FHIT: variants seen among roughly 807,000 people sequenced by gnomAD.
The protein encoded by FHIT is fragile histidine triad diadenosine triphosphatase, also known as bis(5'-adenosyl)-triphosphatase.
Under a neutral mutation model 17.9 loss-of-function variants are expected in FHIT, and 19 were observed. The observed-to-expected ratio is 1.06, with a 90% CI of 0.74 to 1.56. FHIT has a LOEUF of 1.56. FHIT is among the 40% of genes most tolerant of loss of function. The pLI is 0.00. For synonymous variants in FHIT, 81 were observed against 69.7 expected, an observed-to-expected ratio of 1.16 and a Z score of -0.81; for missense variants, 248 against 189.2, an observed-to-expected ratio of 1.31 and a Z score of -1.82.
chr3:61,099,064 G>C (rs2035736231), intron 2 of FHIT, among the ~76,000 whole-genome samples: 1 of 152,088 alleles, frequency 6.6e-6, no homozygotes, highest in Non-Finnish European at 1.5e-5. Flanking sequence ...TTTGCCATAG[G>C]TGGCTCTTAT....
intron 2 of FHIT, among the ~76,000 whole-genome samples, chr3:61,162,855 G>A (rs1230605257): frequency 1.3e-5 from 2 of 152,098 alleles, no homozygotes; most frequent in Non-Finnish European, 2.9e-5. Flanking sequence ...ATTCTTTTCA[G>A]TATTCCTGAT....
At chr3:60,540,571 GA>G (rs965220394) in intron 4 of FHIT, among the ~76,000 whole-genome samples, 3 of 152,174 alleles carry the variant, frequency 2.0e-5, no homozygotes, top group African/African-American at 7.2e-5. Flanking sequence ...GTGTTGGGGG[GA>G]AAGAAACCCC....
intron 5 of FHIT, among the ~76,000 whole-genome samples, chr3:60,071,351 C>A (rs1282169463): frequency 1.3e-5 from 2 of 152,184 alleles, no homozygotes; most frequent in African/African-American, 4.8e-5. Flanking sequence ...TTATTAATTT[C>A]TTTTACTTTT....
chr3:59,983,737 G>A (rs886602016), intron 7 of FHIT, among the ~76,000 whole-genome samples: 1 of 152,048 alleles, frequency 6.6e-6, no homozygotes, highest in Non-Finnish European at 1.5e-5. Flanking sequence ...GCCTCAGGAA[G>A]CTCCCAACCT....
chr3:60,109,623 G>C (rs969202544), intron 5 of FHIT, among the ~76,000 whole-genome samples: 1 of 152,142 alleles, frequency 6.6e-6, no homozygotes, highest in Non-Finnish European at 1.5e-5. Context: ...GAAGCAAGTG[G>C]TTAATGGTTT....
In FHIT at chr3:60,860,479, AT is replaced by A. The variant is rs1223083049; in HGVS notation, c.-110-38469del. Among the ~76,000 whole-genome samples the A allele has an allele frequency of 9.9e-5, 13 of 131,102 alleles. 2 individuals are homozygous for A. The highest frequency in any genetic ancestry group is 2.9e-4 in the African/African-American group (10 of 34,622). The allele number at this position is 131,102 out of a possible 152,430, so 86.0% of individuals were successfully genotyped here. A position where few individuals can be genotyped will look rare whatever the true frequency, so the allele number is the denominator to read the frequency against. ...ATATGTACATATATATGTATATATGATACATATGTATCATATATATCAGGTA... is the reference window on the plus strand; with the variant it reads ...ATATGTACATATATATGTATATATGAACATATGTATCATATATATCAGGTA... On this transcript the variant is annotated intron_variant, in intron 3 of 9. Coordinates refer to ENST00000492590, the MANE Select transcript of FHIT (RefSeq NM_002012.4).
rs536834161 is a variant in FHIT, at chr3:60,169,952, T to G, written c.104-155800A>C. 2.6e-5 allele frequency among the ~76,000 whole-genome samples: 4 copies of G among 152,264 alleles called. No individual in the cohort carries two copies. In the East Asian group the frequency reaches 7.7e-4, roughly 29 times the overall value. The stretch of plus-strand genomic sequence containing the variant: ...GAGGAAGTACTACACATGCCTGAAA[T>G]GACAATGTAGCACATGGAATGGACC... On this transcript the variant is annotated intron_variant, in intron 5 of 9. Coordinates refer to ENST00000492590, the MANE Select transcript of FHIT (RefSeq NM_002012.4).
At chr3:60,382,339 C>T (rs923416953) in intron 5 of FHIT, among the ~76,000 whole-genome samples, 3 of 152,224 alleles carry the variant, frequency 2.0e-5, no homozygotes, top group African/African-American at 7.2e-5. Flanking sequence ...AAGAGTGCCA[C>T]ATCTCATAAA....
intron 8 of FHIT, among the ~76,000 whole-genome samples, chr3:59,890,535 A>T (rs9820066): frequency 0.049 from 7,412 of 152,140 alleles, 354 homozygotes; most frequent in African/African-American, 0.13. Context: ...CATCTGTTAC[A>T]TTCCCAATGC....
intron 5 of FHIT, among the ~76,000 whole-genome samples, chr3:60,087,128 T>C (rs1037350088): frequency 6.6e-6 from 1 of 152,220 alleles, no homozygotes; most frequent in African/African-American, 2.4e-5. Context: ...AGAAGGAGCC[T>C]GAGCTATATC....
chr3:61,214,707 G>C (rs376999938), intron 1 of FHIT, among the ~76,000 whole-genome samples: 1 of 151,974 alleles, frequency 6.6e-6, no homozygotes, highest in Non-Finnish European at 1.5e-5. Context: ...ACAACCAAAA[G>C]AGAGAATTTT....
intron 4 of FHIT, among the ~76,000 whole-genome samples, chr3:60,590,683 A>G (rs535028245): frequency 2.0e-5 from 3 of 152,264 alleles, no homozygotes; most frequent in Non-Finnish European, 4.4e-5. Context: ...CATTAGTAAA[A>G]TAAGTCCATC....
chr3:60,108,617 C>A (rs768354669), intron 5 of FHIT, among the ~76,000 whole-genome samples: 3 of 152,064 alleles, frequency 2.0e-5, no homozygotes, highest in Non-Finnish European at 4.4e-5. Context: ...TAAAATTATA[C>A]CTTGTGCTTA....
chr3:59,801,838 G>A (rs1054801527), intron 8 of FHIT, among the ~76,000 whole-genome samples: 1 of 152,178 alleles, frequency 6.6e-6, no homozygotes, highest in Admixed American at 6.5e-5. Context: ...TCCATGGCAT[G>A]CCCTCTGACC....
intron 4 of FHIT, among the ~76,000 whole-genome samples, chr3:60,658,030 C>T (rs1313753327): frequency 6.6e-6 from 1 of 152,040 alleles, no homozygotes; most frequent in Non-Finnish European, 1.5e-5. Context: ...CCATCACCAC[C>T]TATCTATCTC....
intron 5 of FHIT, among the ~76,000 whole-genome samples, chr3:60,415,169 T>C (rs1702199479): frequency 6.6e-6 from 1 of 152,162 alleles, no homozygotes; most frequent in Admixed American, 6.5e-5. Flanking sequence ...AGATGGATAA[T>C]CTCTTATGGA....
intron 8 of FHIT, among the ~76,000 whole-genome samples, chr3:59,762,704 AGCCCGGAGG>A (rs1163952700): frequency 6.6e-6 from 1 of 152,246 alleles, no homozygotes; most frequent in Non-Finnish European, 1.5e-5. Flanking sequence ...TCAACCTCTA[AGCCCGGAGG>A]GCCCTGCTGG....
chr3:61,035,098 A>C (rs1401597801), intron 3 of FHIT, among the ~76,000 whole-genome samples: 1 of 152,208 alleles, frequency 6.6e-6, no homozygotes, highest in East Asian at 1.9e-4. Flanking sequence ...AGGTAAATCC[A>C]CATAGATAGA....
Position 60,098,295 on chromosome 3 carries a change from A to T in FHIT, c.104-84143T>A, listed in dbSNP as rs1481710646. Among the ~76,000 whole-genome samples the T allele has an allele frequency of 4.4e-4, 64 of 145,700 alleles. 1 individual carries two copies. Among genetic ancestry groups the T allele is most frequent in the African/African-American group, 1.5e-3 (59 of 39,702 alleles). ...AGATCCCTGAGGAATCGCCACACTG[A>T]CTTCCACAATGGTTGAACTAGTTTA... On this transcript the variant is annotated intron_variant, in intron 5 of 9. Transcript: ENST00000492590.
Sources: gnomAD v4.1 joint callset for allele counts (sites outside exome capture counted in the v4.1 genomes callset) on GRCh38, gnomAD v4.1.1 for gene constraint, MANE v1.5 for transcripts, NCBI Gene and HGNC (gene_info 2026-07-23, HGNC 2026-07-21) for gene names.